The following UST variants were observed in gnomAD, a reference collection of about 807,000 sequenced individuals.
The protein encoded by UST is chondroitin sulfate 2-O-sulfotransferase.
A neutral mutation model predicts 45.6 loss-of-function variants in UST; 21 were observed. That is an observed-to-expected ratio of 0.46 (90% CI 0.33 to 0.66). UST has a LOEUF of 0.66. UST is among the 30% of genes least tolerant of loss of function. The probability of loss-of-function intolerance (pLI) is 0.02; values close to 1 mark genes in which losing one functional copy is unlikely to be tolerated. For missense variants in UST, 463 were observed against 512.4 expected (o/e 0.90, Z 0.93); for synonymous variants, 215 against 200.6 (o/e 1.07, Z -0.61).
chr6:148,865,895 G>A (rs757285673), intron 1 of UST, among the ~76,000 whole-genome samples: 1 of 152,138 alleles, frequency 6.6e-6, no homozygotes, highest in African/African-American at 2.4e-5. Flanking sequence ...TGCATGGAAT[G>A]TATGTCTGAG....
chr6:148,804,301 A>C (rs1244267509), intron 1 of UST, among the ~76,000 whole-genome samples: 1 of 152,096 alleles, frequency 6.6e-6, no homozygotes, highest in Non-Finnish European at 1.5e-5. Flanking sequence ...TTGTGTTTAT[A>C]AACCCTCCCA....
chr6:148,868,200 C>CA (rs1395695549), intron 1 of UST, among the ~76,000 whole-genome samples: 17 of 152,312 alleles, frequency 1.1e-4, no homozygotes, highest in Non-Finnish European at 2.5e-4. Context: ...TAGACTCACT[C>CA]AATTGATGTT....
At chr6:148,812,997 C>G (rs929474143) in intron 1 of UST, among the ~76,000 whole-genome samples, 1 of 152,190 alleles carries the variant, frequency 6.6e-6, no homozygotes, top group Non-Finnish European at 1.5e-5. Context: ...TCGGATCATA[C>G]AGATCAACAA....
At chr6:148,982,174 C>T (rs1225323944) in intron 5 of UST, among the ~76,000 whole-genome samples, 2 of 151,734 alleles carry the variant, frequency 1.3e-5, no homozygotes, top group Non-Finnish European at 2.9e-5. Context: ...TTTTGGCTCA[C>T]TGCAACCTCT....
intron 7 of UST, among the ~76,000 whole-genome samples, chr6:149,064,751 G>A (rs373138165): frequency 1.1e-4 from 16 of 152,292 alleles, no homozygotes; most frequent in South Asian, 4.2e-4. Context: ...TTTAGAGTCT[G>A]AGGCAAACTG....
At chr6:148,856,139 C>T (rs1316520310) in intron 1 of UST, among the ~76,000 whole-genome samples, 1 of 152,254 alleles carries the variant, frequency 6.6e-6, no homozygotes, top group East Asian at 1.9e-4. Flanking sequence ...ACCTCAGCCT[C>T]CCAAGTAGCT....
chr6:148,927,836 T>C (rs17080014), intron 2 of UST, among the ~76,000 whole-genome samples: 4,916 of 152,324 alleles, frequency 0.032, 244 homozygotes, highest in African/African-American at 0.11. Flanking sequence ...TATGCTTCAA[T>C]AGACAGCTTT....
chr6:148,919,662 T>A lies in UST; in HGVS notation c.292-21617T>A, dbSNP rs538483543. Among the ~76,000 whole-genome samples the A allele has an allele frequency of 7.2e-5, 11 of 152,368 alleles. No individual in the cohort carries two copies. The South Asian group carries it at 2.3e-3, about 32-fold the overall frequency. On this transcript the variant is annotated intron_variant, in intron 2 of 7. Transcript: ENST00000367463. ...TCAAAATAGTTTGTCTTCTGAAAAC[T>A]GTTATTCAGTGCCAAGTTTGTTCTT...
At chr6:149,057,175 A>G (rs1582980624) in intron 7 of UST, among the ~76,000 whole-genome samples, 1 of 152,252 alleles carries the variant, frequency 6.6e-6, no homozygotes, top group African/African-American at 2.4e-5. Context: ...TACCCAGTTC[A>G]TAGAATCCAA....
intron 2 of UST, among the ~76,000 whole-genome samples, chr6:148,932,240 C>G (rs1284071217): frequency 1.3e-5 from 2 of 152,066 alleles, no homozygotes; most frequent in Admixed American, 1.3e-4. Flanking sequence ...ATTAGCCAGG[C>G]ATGATGCTGT....
At chr6:148,977,481 G>C (rs1215149220) in intron 5 of UST, among the ~76,000 whole-genome samples, 1 of 152,028 alleles carries the variant, frequency 6.6e-6, no homozygotes, top group African/African-American at 2.4e-5. Flanking sequence ...GTCGGGCGTG[G>C]TGGCTCACGC....
At chr6:148,823,568 C>A (rs1317450554) in intron 1 of UST, among the ~76,000 whole-genome samples, 1 of 152,164 alleles carries the variant, frequency 6.6e-6, no homozygotes, top group African/African-American at 2.4e-5. Flanking sequence ...TCCTGTTACT[C>A]ACATTTCCTT....
At chr6:148,941,458 A>G in intron 3 of UST, 24 bp downstream of exon 3, 1 of 1,575,676 alleles carries the variant, frequency 6.3e-7, no homozygotes, top group Non-Finnish European at 8.6e-7. Flanking sequence ...GCACATTGTT[A>G]AATTGTGTTT....
intron 2 of UST, among the ~76,000 whole-genome samples, chr6:148,919,431 TG>T (rs1412611481): frequency 6.6e-6 from 1 of 152,046 alleles, no homozygotes; most frequent in Non-Finnish European, 1.5e-5. Flanking sequence ...TGTGTGTGTG[TG>T]TGTGTGTGTG....
chr6:148,901,198 G>T (rs151172655), intron 2 of UST, among the ~76,000 whole-genome samples: 2 of 152,180 alleles, frequency 1.3e-5, no homozygotes, highest in Admixed American at 6.5e-5. Flanking sequence ...TCAAGAACAG[G>T]CGCATGGGAC....
chr6:149,012,231 A>G (rs540621068), intron 5 of UST, among the ~76,000 whole-genome samples: 6 of 152,356 alleles, frequency 3.9e-5, no homozygotes, highest in Admixed American at 2.6e-4. Context: ...GAATGATGGT[A>G]TCTGGCCATC....
At chr6:148,897,923 G>A (rs1438872232) in intron 2 of UST, among the ~76,000 whole-genome samples, 1 of 152,110 alleles carries the variant, frequency 6.6e-6, no homozygotes, top group Non-Finnish European at 1.5e-5. Context: ...ACTAAGCAAG[G>A]CCTTTCACAA....
At chr6:149,017,146 G>C (rs145169961) in intron 5 of UST, among the ~76,000 whole-genome samples, 2,995 of 152,316 alleles carry the variant, frequency 0.02, 122 homozygotes, top group African/African-American at 0.069. Context: ...GGGAGGCCGA[G>C]GCGGGCGGAT....
chr6:148,862,452 A>T (rs1047710826), intron 1 of UST, among the ~76,000 whole-genome samples: 35 of 152,048 alleles, frequency 2.3e-4, no homozygotes, highest in African/African-American at 8.5e-4. Flanking sequence ...TCTTTATCCA[A>T]TTTGCCAGTC....
Sources: gnomAD v4.1 joint callset for allele counts (sites outside exome capture counted in the v4.1 genomes callset) on GRCh38, gnomAD v4.1.1 for gene constraint, MANE v1.5 for transcripts, NCBI Gene and HGNC (gene_info 2026-07-23, HGNC 2026-07-21) for gene names.